ME3: variants seen among roughly 807,000 people sequenced by gnomAD.
The protein encoded by ME3 is malic enzyme 3, also known as NADP-dependent malic enzyme, mitochondrial.
A neutral mutation model predicts 68.9 loss-of-function variants in ME3; 48 were observed. The ratio of observed to expected loss-of-function variants is 0.70; its 90% CI spans 0.55 to 0.89. The LOEUF (loss-of-function observed/expected upper bound fraction) is 0.89, where lower values mean the gene tolerates loss of function less well. Among genes scored for constraint, ME3 ranks in the 40% least tolerant of loss-of-function variants. The pLI, the probability that ME3 is intolerant of heterozygous loss-of-function variation, is 0.00. For missense variants in ME3, 675 were observed against 797.4 expected (o/e 0.85, Z 1.85); for synonymous variants, 320 against 318.8 (o/e 1.00, Z -0.04).
At chr11:86,651,833 G>A (rs190455075) in intron 2 of ME3, among the ~76,000 whole-genome samples, 1 of 152,298 alleles carries the variant, frequency 6.6e-6, no homozygotes, top group Non-Finnish European at 1.5e-5. Context: ...TGGCAAAGAA[G>A]TTAAAAACCT....
intron 2 of ME3, among the ~76,000 whole-genome samples, chr11:86,592,026 C>T (rs182056327): frequency 6.6e-6 from 1 of 152,310 alleles, no homozygotes; most frequent in Admixed American, 6.5e-5. Flanking sequence ...AACTAATACA[C>T]TTCCTATGAA....
At chr11:86,438,469 T>C (rs1309683678), downstream of ME3, among the ~76,000 whole-genome samples, 1 of 152,190 alleles carries the variant, frequency 6.6e-6, no homozygotes, top group Non-Finnish European at 1.5e-5. Flanking sequence ...CTGGCTTTGA[T>C]ATGGCAATAC....
At chr11:86,494,886 T>A (rs377373157) in intron 6 of ME3, among the ~76,000 whole-genome samples, 2 of 152,154 alleles carry the variant, frequency 1.3e-5, no homozygotes, top group African/African-American at 4.8e-5. Context: ...TTGAAAAAAT[T>A]AGAACAAAAT....
intron 5 of ME3, among the ~76,000 whole-genome samples, chr11:86,504,620 C>T (rs957767289): frequency 2.0e-5 from 3 of 152,166 alleles, no homozygotes; most frequent in Admixed American, 2.0e-4. Flanking sequence ...TCTCAAACTC[C>T]TGACCTCAGG....
At chr11:86,573,097 A>G (rs1045313571) in intron 2 of ME3, among the ~76,000 whole-genome samples, 1 of 152,126 alleles carries the variant, frequency 6.6e-6, no homozygotes, top group Non-Finnish European at 1.5e-5. Context: ...GTGTCTGTTC[A>G]TATACTTTGC....
chr11:86,529,492 C>G (rs12365653), intron 4 of ME3, among the ~76,000 whole-genome samples: 24,551 of 152,136 alleles, frequency 0.16, 2,069 homozygotes, highest in East Asian at 0.26. Flanking sequence ...AGGGAATCCT[C>G]CCTAACTCAT....
At chr11:86,525,928 G>C (rs1594295948) in intron 4 of ME3, among the ~76,000 whole-genome samples, 1 of 151,720 alleles carries the variant, frequency 6.6e-6, no homozygotes. Context: ...CCAGTCTACA[G>C]CTCCCAGCGT....
At chr11:86,653,894 T>TA (rs1363035361) in intron 2 of ME3, among the ~76,000 whole-genome samples, 33 of 151,884 alleles carry the variant, frequency 2.2e-4, no homozygotes, top group Admixed American at 2.2e-3. Flanking sequence ...GTAGAGGCAA[T>TA]AAAAAATGAT....
chr11:86,510,332 A>G (rs1301702377), intron 4 of ME3, among the ~76,000 whole-genome samples: 1 of 151,620 alleles, frequency 6.6e-6, no homozygotes, highest in African/African-American at 2.4e-5. Context: ...CCTACCCAAA[A>G]TTTGGCTTTT....
At chr11:86,439,475 T>C (rs748503380), downstream of ME3, among the ~76,000 whole-genome samples, 1 of 152,218 alleles carries the variant, frequency 6.6e-6, no homozygotes, top group Non-Finnish European at 1.5e-5. Flanking sequence ...GCCAATTGCA[T>C]TTGAATTCCA....
At chr11:86,490,210 G>A (rs1951916650) in intron 6 of ME3, among the ~76,000 whole-genome samples, 1 of 152,180 alleles carries the variant, frequency 6.6e-6, no homozygotes, top group African/African-American at 2.4e-5. Flanking sequence ...CAAGGCCTGG[G>A]TACACGTAAG....
chr11:86,495,182 A>G (rs1952244332), intron 6 of ME3, among the ~76,000 whole-genome samples: 1 of 152,190 alleles, frequency 6.6e-6, no homozygotes, highest in African/African-American at 2.4e-5. Flanking sequence ...TTGGGCAAAT[A>G]AAACTCTCTG....
intron 2 of ME3, among the ~76,000 whole-genome samples, chr11:86,602,956 G>T (rs1263044456): frequency 6.6e-6 from 1 of 152,118 alleles, no homozygotes; most frequent in Non-Finnish European, 1.5e-5. Flanking sequence ...AATTCAAGGT[G>T]GATTAAAGAC....
At chr11:86,553,792 C>T (rs961736949) in intron 4 of ME3, among the ~76,000 whole-genome samples, 1 of 152,170 alleles carries the variant, frequency 6.6e-6, no homozygotes, top group East Asian at 1.9e-4. Flanking sequence ...TAGCAATCCC[C>T]ACCTGAGACC....
chr11:86,538,902 G>A (rs1183960214), intron 4 of ME3, among the ~76,000 whole-genome samples: 1 of 152,162 alleles, frequency 6.6e-6, no homozygotes, highest in Non-Finnish European at 1.5e-5. Context: ...GCTTTCTTGT[G>A]ATGAGGAAAG....
rs1188248218 is a variant in ME3 at position 86,647,129 on chromosome 11, AG to A, written c.183+24632del. On this transcript the variant is annotated intron_variant, in intron 2 of 14. Transcript: ENST00000543262. Reference sequence around the variant, plus strand: ...AAAGTAAAGACGATTGACACTGTGAAGAAACTGCATCAACTAATGGGCAAAA... The same window carrying A: ...AAAGTAAAGACGATTGACACTGTGAAAAACTGCATCAACTAATGGGCAAAA... Among the ~76,000 whole-genome samples, 8 of 152,334 alleles carry A rather than the reference AG, an allele frequency of 5.3e-5. No homozygotes were observed. In the East Asian group the frequency reaches 1.5e-3, roughly 29 times the overall value.
At position 86,531,442 on chromosome 11, in the gene ME3, A is replaced by G. The variant is rs891344334; in HGVS notation, c.468-22575T>C. Among the ~76,000 whole-genome samples, 518 of 152,288 alleles carry G rather than the reference A, an allele frequency of 3.4e-3. 3 individuals are homozygous for G. The highest frequency in any genetic ancestry group is 0.011 in the African/African-American group (458 of 41,560). ...CAACCATTGTGGAAGTCAGTGTGGC[A>G]ATTCCTCAGGGATCTAGAACTAGAA... On this transcript the variant is annotated intron_variant, in intron 4 of 14. Transcript: ENST00000543262.
At chr11:86,436,090 T>G in the ME3 span, 1 of 152,130 alleles carries the variant, frequency 6.6e-6, no homozygotes, top group Non-Finnish European at 1.5e-5. Context: ...GGGCTATGTA[T>G]GGGAGGCTGG....
At chr11:86,612,545 C>T (rs892976019) in intron 2 of ME3, among the ~76,000 whole-genome samples, 3 of 152,204 alleles carry the variant, frequency 2.0e-5, no homozygotes, top group Non-Finnish European at 4.4e-5. Flanking sequence ...TAAAAGTCTT[C>T]CTATTTCTCC....
Sources: allele counts gnomAD v4.1 joint callset (sites outside exome capture counted in the v4.1 genomes callset), GRCh38; gene constraint gnomAD v4.1.1; transcripts MANE v1.5; gene names NCBI Gene and HGNC (gene_info 2026-07-23, HGNC 2026-07-21).